LEPR: variants seen among roughly 807,000 people sequenced by gnomAD.
LEPR encodes the protein leptin receptor, also known as OB receptor.
LEPR carries 56 observed loss-of-function variants against 114.7 expected under a neutral mutation model. The ratio of observed to expected loss-of-function variants is 0.49; its 90% confidence interval spans 0.39 to 0.61. The LOEUF (loss-of-function observed/expected upper bound fraction) is 0.61, where lower values mean the gene tolerates loss of function less well. Ranked by LOEUF, LEPR falls within the 20% of genes least tolerant of loss-of-function variation. The pLI is 0.00. For synonymous variants in LEPR, 443 were observed against 461.4 expected, an observed-to-expected ratio of 0.96 and a Z score of 0.51; for missense variants, 1,202 against 1,352.9, an observed-to-expected ratio of 0.89 and a Z score of 1.75.
chr1:65,627,651 T>G (rs1658297877), intron 19 of LEPR, among the ~76,000 whole-genome samples: 1 of 152,142 alleles, frequency 6.6e-6, no homozygotes, highest in Non-Finnish European at 1.5e-5. Flanking sequence ...ATGGGAAGTT[T>G]TATAAGAATA....
chr1:65,456,387 G>A (rs535812812), intron 2 of LEPR, among the ~76,000 whole-genome samples: 9 of 152,074 alleles, frequency 5.9e-5, no homozygotes, highest in Non-Finnish European at 1.2e-4. Context: ...ATGCCTGCTG[G>A]ATCTGTCCAT....
chr1:65,616,146 G>T lies in LEPR; in HGVS notation c.2134G>T (p.Val712Phe). The change falls in exon 15 of 20, where the codon GTT (valine) becomes TTT (phenylalanine). Residue 712 changes from valine to phenylalanine, a missense_variant. Transcript: ENST00000349533. ...TFLWTEQAHTVTVLAINSIGA... is the reference protein window; with the variant it reads ...TFLWTEQAHTFTVLAINSIGA... ...CCTGTGGACAGAGCAAGCACATACT[G>T]TTACGGTTCTGGCCATCAATTCAAT... 6.2e-7 allele frequency: 1 copy of T among 1,614,172 alleles called. No homozygotes were observed. The highest frequency in any genetic ancestry group is 2.2e-5 in the East Asian group (1 of 44,886).
rs376879014 is a variant in LEPR at position 65,454,633 on chromosome 1, G to A, written c.-21+29255G>A. Among the ~76,000 whole-genome samples, 79 of 152,154 alleles carry A rather than the reference G, an allele frequency of 5.2e-4. 1 individual carries two copies. The East Asian group carries it at 9.9e-3, about 19-fold the overall frequency. On this transcript the variant is annotated intron_variant, in intron 2 of 19. Coordinates refer to ENST00000349533, the MANE Select transcript of LEPR (RefSeq NM_002303.6). ...GCCCCCACTCTCTTCTGGCTTGTAG[G>A]GTTTCTGCCGAGAGATCCACTGTTA... is the stretch of plus-strand genomic sequence containing the variant.
At chr1:65,509,377 T>C (rs1648915970) in intron 2 of LEPR, among the ~76,000 whole-genome samples, 1 of 152,194 alleles carries the variant, frequency 6.6e-6, no homozygotes, top group South Asian at 2.1e-4. Context: ...TCTGAATTTG[T>C]TGAGCGTTTT....
chr1:65,514,737 T>G (rs1354058665), intron 2 of LEPR, among the ~76,000 whole-genome samples: 4 of 152,230 alleles, frequency 2.6e-5, no homozygotes, highest in African/African-American at 9.6e-5. Flanking sequence ...TTGTGAAGTA[T>G]CTATTCTTCA....
intron 2 of LEPR, among the ~76,000 whole-genome samples, chr1:65,476,438 G>A (rs1330848738): frequency 2.0e-5 from 3 of 152,030 alleles, no homozygotes; most frequent in African/African-American, 4.8e-5. Context: ...CAGAACTCCC[G>A]GAGCTTGTGG....
At chr1:65,475,238 G>T (rs1316088694) in intron 2 of LEPR, among the ~76,000 whole-genome samples, 1 of 152,096 alleles carries the variant, frequency 6.6e-6, no homozygotes, top group Admixed American at 6.6e-5. Context: ...TTGGACTTCC[G>T]TGTTTTCACA....
Position 65,572,404 on chromosome 1 carries a change from A to T in LEPR, c.449A>T (p.Asn150Ile), listed in dbSNP as rs1468180841. 6.2e-7 allele frequency: 1 copy of T among 1,605,296 alleles called. No homozygotes were observed. Among genetic ancestry groups the T allele is most frequent in the Admixed American group, 1.7e-5 (1 of 59,616 alleles). The change falls in exon 5 of 20, where the codon AAT (asparagine) becomes ATT (isoleucine). Residue 150 changes from asparagine to isoleucine, a missense_variant. Transcript: ENST00000349533. ...FICYVESLFK[N>I]LFRNYNYKVH... ...TGTTATGTGGAGTCATTATTTAAGA[A>T]TCTATTCAGGAATTATAACTATAAG...
At chr1:65,597,395 G>A (rs373619628) in intron 7 of LEPR, among the ~76,000 whole-genome samples, 1 of 152,072 alleles carries the variant, frequency 6.6e-6, no homozygotes, top group East Asian at 1.9e-4. Flanking sequence ...GCCTGGAACT[G>A]TTCTGCTTGC....
intron 2 of LEPR, among the ~76,000 whole-genome samples, chr1:65,445,314 C>T (rs1646700297): frequency 6.6e-6 from 1 of 152,282 alleles, no homozygotes. Flanking sequence ...AAATAAAGGT[C>T]AACTATGAAT....
chr1:65,488,238 T>C lies in LEPR; in HGVS notation c.-21+62860T>C, dbSNP rs1354640402. Among the ~76,000 whole-genome samples the C allele has an allele frequency of 1.8e-3, 233 of 126,220 alleles. 5 individuals are homozygous for C. Among genetic ancestry groups the C allele is most frequent in the Non-Finnish European group, 1.9e-3 (115 of 60,460 alleles). 82.8% of individuals were successfully genotyped at this position (126,220 alleles called of 152,430 possible). ...TCTCTCTCTCTCTCTCTTTCTTTCT[T>C]TCTTTCTTTCTTTCTTTCTTTTCTT... On this transcript the variant is annotated intron_variant, in intron 2 of 19. Transcript: ENST00000349533.
At chr1:65,574,425 G>A (rs1275418304) in intron 5 of LEPR, among the ~76,000 whole-genome samples, 1 of 152,094 alleles carries the variant, frequency 6.6e-6, no homozygotes, top group Non-Finnish European at 1.5e-5. Context: ...AAATTTGCTA[G>A]CTCACCCCTG....
rs762374159 is a variant in LEPR at position 65,421,484 on chromosome 1, C to T, written c.-97+744C>T. 4.6e-6 allele frequency: 7 copies of T among 1,536,054 alleles called. 1 individual carries two copies. In the South Asian group the frequency reaches 7.1e-5, roughly 16 times the overall value. On this transcript the variant is annotated intron_variant, in intron 1 of 19. Transcript: ENST00000349533. ...GGTAGGAAAACATTCCATTTCTAAT[C>T]TGTCGAATAGAGTAGCATGACTTGT... is the stretch of plus-strand genomic sequence containing the variant.
intron 2 of LEPR, among the ~76,000 whole-genome samples, chr1:65,487,060 A>C (rs958278867): frequency 6.6e-6 from 1 of 152,226 alleles, no homozygotes; most frequent in Non-Finnish European, 1.5e-5. Flanking sequence ...TATTCTGCAC[A>C]CAGATAACTA....
At chr1:65,518,894 TTTCTTTCTTTCTTTC>T (rs1649447506) in intron 2 of LEPR, among the ~76,000 whole-genome samples, 2 of 84,310 alleles carry the variant, frequency 2.4e-5, no homozygotes, top group African/African-American at 8.2e-5. Flanking sequence ...TCTTTCTTTC[TTTCTTTCTTTCTTTC>T]TTTCTTTCTC....
At position 65,640,110 on chromosome 1, in the gene LEPR, C is replaced by G. The variant is rs1012599184; in HGVS notation, c.*3095C>G. 1 of 152,110 alleles carries G rather than the reference C, an allele frequency of 6.6e-6. No homozygotes were observed. Among genetic ancestry groups the G allele is most frequent in the Non-Finnish European group, 1.5e-5 (1 of 68,022 alleles). 9.4% of individuals were successfully genotyped at this position (152,110 alleles called of 1,614,324 possible). A position where few individuals can be genotyped will look rare whatever the true frequency, so the allele number is the denominator to read the frequency against. ...ATTTTTCCCTAATAAAACTTATTCT[C>G]TCTTCCATAATATCATATATATGGT... On this transcript the variant is annotated 3_prime_UTR_variant, in exon 20 of 20. Coordinates refer to ENST00000349533, the MANE Select transcript of LEPR (RefSeq NM_002303.6).
chr1:65,603,213 G>GCA (rs1656567180), intron 10 of LEPR, among the ~76,000 whole-genome samples: 1 of 151,986 alleles, frequency 6.6e-6, no homozygotes, highest in Non-Finnish European at 1.5e-5. Context: ...TCAATATATG[G>GCA]TTTTTGCTGT....
chr1:65,635,430 TTGTCTTGTGTATTTGTCTTCATTTCACA>T, intron 19 of LEPR: 3 of 940,978 alleles, frequency 3.2e-6, no homozygotes, highest in Non-Finnish European at 3.8e-6. Flanking sequence ...TGATGTACAT[TTGTCTTGTGTATTTGTCTTCATTTCACA>T]TGTCCATAGT....
Position 65,601,586 on chromosome 1 carries a change from A to C in LEPR, c.1189A>C (p.Asn397His), listed in dbSNP as rs543357077. 3 of 1,613,766 alleles carry C rather than the reference A, an allele frequency of 1.9e-6. No individual in the cohort carries two copies. In the South Asian group the frequency reaches 3.3e-5, roughly 18 times the overall value. Residue 397 changes from asparagine to histidine, a missense_variant, in exon 9 of 20, where the codon AAT (asparagine) becomes CAT (histidine). Coordinates refer to ENST00000349533, the MANE Select transcript of LEPR (RefSeq NM_002303.6). Reference sequence around the variant, plus strand: ...TAGCAAAGTTACTTTTTTCAATCTGAATGAAACCAAACCTCGAGGAAAGTT... The same window carrying C: ...TAGCAAAGTTACTTTTTTCAATCTGCATGAAACCAAACCTCGAGGAAAGTT... ...HVSKVTFFNL[N>H]ETKPRGKFTY... is the part of the protein sequence containing the mutation.
Sources: allele counts gnomAD v4.1 joint callset (sites outside exome capture counted in the v4.1 genomes callset), GRCh38; gene constraint gnomAD v4.1.1; transcripts MANE v1.5; gene names NCBI Gene and HGNC (gene_info 2026-07-23, HGNC 2026-07-21).